The following ROBO2 variants were observed in gnomAD, a reference collection of about 807,000 sequenced individuals.
The protein encoded by ROBO2 is roundabout guidance receptor 2, also known as roundabout homolog 2.
ROBO2 carries 53 observed loss-of-function variants against 160.8 expected under a neutral mutation model. The observed-to-expected ratio is 0.33, with a 90% CI of 0.26 to 0.41. ROBO2 has a LOEUF of 0.41. Among genes scored for constraint, ROBO2 ranks in the 10% least tolerant of loss-of-function variants. ROBO2 has a pLI of 1.00. For missense variants in ROBO2, 1,577 were observed against 1,722.4 expected, an observed-to-expected ratio of 0.92 and a Z score of 1.49; for synonymous variants, 664 against 611.7, an observed-to-expected ratio of 1.09 and a Z score of -1.26.
At chr3:76,293,987 C>T (rs926549208) in intron 2 of ROBO2, among the ~76,000 whole-genome samples, 1 of 152,172 alleles carries the variant, frequency 6.6e-6, no homozygotes, top group African/African-American at 2.4e-5. Context: ...GGTCCCCACT[C>T]AGCCTGTCTC....
chr3:76,055,221 C>T (rs745771287), intron 2 of ROBO2, among the ~76,000 whole-genome samples: 23 of 152,272 alleles, frequency 1.5e-4, no homozygotes, highest in Admixed American at 2.6e-4. Flanking sequence ...ATATCTCCCA[C>T]GGGGTCCCTC....
chr3:76,840,565 G>A lies in ROBO2; in HGVS notation c.110-257449G>A, dbSNP rs540997078. Among the ~76,000 whole-genome samples, 22 of 148,444 alleles carry A rather than the reference G, an allele frequency of 1.5e-4. No individual in the cohort carries two copies. The South Asian group carries it at 1.9e-3, about 13-fold the overall frequency. On this transcript the variant is annotated intron_variant, in intron 2 of 26. Transcript: ENST00000487694. ...GTGGAACTTGCAGTGAGCCGAGATC[G>A]CACCACTGCACTCCAGCCTGGGCAT...
At chr3:76,404,855 G>A (rs984815919) in intron 2 of ROBO2, among the ~76,000 whole-genome samples, 3 of 151,702 alleles carry the variant, frequency 2.0e-5, no homozygotes, top group South Asian at 2.1e-4. Flanking sequence ...TGGCTTGGTT[G>A]TGAATATGGC....
chr3:76,219,732 C>A (rs1703830441), intron 2 of ROBO2, among the ~76,000 whole-genome samples: 1 of 152,158 alleles, frequency 6.6e-6, no homozygotes, highest in Admixed American at 6.5e-5. Flanking sequence ...GTTCGTGGGA[C>A]TGTAAACTAG....
chr3:76,006,363 G>A (rs553725913), intron 2 of ROBO2, among the ~76,000 whole-genome samples: 13 of 152,170 alleles, frequency 8.5e-5, no homozygotes, highest in Non-Finnish European at 1.6e-4. Context: ...CTGCCATCAA[G>A]GACACATTTC....
rs536764940 is a variant in ROBO2 at position 77,540,702 on chromosome 3, G to A, written c.935-5636G>A. Among the ~76,000 whole-genome samples the A allele has an allele frequency of 3.9e-5, 6 of 152,244 alleles. No homozygotes were observed. The East Asian group carries it at 1.2e-3, about 29-fold the overall frequency. On this transcript the variant is annotated intron_variant, in intron 6 of 25. Transcript: ENST00000461745. ...ACACATTTACCTATGTAACAAACCCGCACATCCTGCACATGCACAGGGGAA... is the reference window on the plus strand; with the variant it reads ...ACACATTTACCTATGTAACAAACCCACACATCCTGCACATGCACAGGGGAA...
At chr3:77,588,971 G>A (rs2094119915) in intron 17 of ROBO2, 38 bp downstream of exon 18, 1 of 1,605,554 alleles carries the variant, frequency 6.2e-7, no homozygotes, top group East Asian at 2.2e-5. Context: ...TCTCTTGTCT[G>A]TAGGAATGTA....
At chr3:77,644,674 T>C (rs1289732833) in intron 24 of ROBO2, 30 bp from the exon 27 acceptor site, 2 of 1,608,786 alleles carry the variant, frequency 1.2e-6, no homozygotes, top group East Asian at 4.5e-5. Flanking sequence ...TTCTGTTCAA[T>C]TTAGCCTTTG....
chr3:75,982,497 T>A (rs1294965599), intron 2 of ROBO2, among the ~76,000 whole-genome samples: 1 of 151,624 alleles, frequency 6.6e-6, no homozygotes, highest in Non-Finnish European at 1.5e-5. Context: ...CTATTGTAGT[T>A]TTGGTTTGCA....
At chr3:76,988,212 TC>T (rs2149358510) in intron 2 of ROBO2, among the ~76,000 whole-genome samples, 1 of 152,292 alleles carries the variant, frequency 6.6e-6, no homozygotes, top group Non-Finnish European at 1.5e-5. Flanking sequence ...TTTTTGCAGT[TC>T]CACCAAGGGC....
chr3:77,075,001 T>C (rs1266632454), intron 1 of ROBO2, among the ~76,000 whole-genome samples: 1 of 152,182 alleles, frequency 6.6e-6, no homozygotes, highest in African/African-American at 2.4e-5. Context: ...TTACTTAAAA[T>C]TTTGTAGCTG....
intron 2 of ROBO2, among the ~76,000 whole-genome samples, chr3:76,564,233 G>T (rs889835931): frequency 6.6e-6 from 1 of 152,178 alleles, no homozygotes. Flanking sequence ...GAAGTGTGCT[G>T]TCATCTGAAT....
intron 2 of ROBO2, among the ~76,000 whole-genome samples, chr3:77,169,480 G>A (rs1342067288): frequency 1.3e-5 from 2 of 152,122 alleles, no homozygotes; most frequent in African/African-American, 2.4e-5. Flanking sequence ...CAGATTTGTA[G>A]TTAAACTCCT....
chr3:77,429,099 G>A (rs2078511676), intron 2 of ROBO2, among the ~76,000 whole-genome samples: 1 of 152,096 alleles, frequency 6.6e-6, no homozygotes, highest in African/African-American at 2.4e-5. Context: ...TGACAAAAAA[G>A]AGCAAACTTC....
intron 2 of ROBO2, among the ~76,000 whole-genome samples, chr3:76,388,274 T>C (rs2076986065): frequency 6.6e-6 from 1 of 150,454 alleles, no homozygotes; most frequent in Admixed American, 6.6e-5. Context: ...TTACCATTTT[T>C]TTCTTTTTTT....
chr3:77,187,373 G>A (rs536308267), intron 2 of ROBO2, among the ~76,000 whole-genome samples: 11 of 151,900 alleles, frequency 7.2e-5, no homozygotes, highest in African/African-American at 2.7e-4. Flanking sequence ...TATCCCAAAG[G>A]CCCAACATCC....
intron 5 of ROBO2, among the ~76,000 whole-genome samples, chr3:77,521,448 T>A (rs1449992080): frequency 6.6e-6 from 1 of 151,208 alleles, no homozygotes; most frequent in African/African-American, 2.4e-5. Context: ...GCAATAAGTT[T>A]TCAAAAAGGC....
At chr3:76,239,380 A>C (rs1046270185) in intron 2 of ROBO2, among the ~76,000 whole-genome samples, 2 of 151,820 alleles carry the variant, frequency 1.3e-5, no homozygotes, top group Admixed American at 1.3e-4. Context: ...ATATGTACAT[A>C]TATAGTATGT....
intron 11 of ROBO2, among the ~76,000 whole-genome samples, chr3:77,564,063 T>A (rs2093412156): frequency 6.6e-6 from 1 of 152,176 alleles, no homozygotes; most frequent in Admixed American, 6.6e-5. Flanking sequence ...ACCACTGTTT[T>A]TTTTAAACAT....
Sources: allele counts gnomAD v4.1 joint callset (sites outside exome capture counted in the v4.1 genomes callset), GRCh38; gene constraint gnomAD v4.1.1; transcripts MANE v1.5; gene names NCBI Gene and HGNC (gene_info 2026-07-23, HGNC 2026-07-21).